The following ARHGAP6 variants were observed in gnomAD, a reference collection of about 807,000 sequenced individuals.
ARHGAP6 encodes rho GTPase-activating protein 6.
A neutral mutation model predicts 55.7 loss-of-function variants in ARHGAP6; 16 were observed. The ratio of observed to expected loss-of-function variants is 0.29; its 90% CI spans 0.19 to 0.44. The LOEUF is 0.44. ARHGAP6 is among the 20% of genes least tolerant of loss of function. The pLI is 1.00. For synonymous variants in ARHGAP6, 382 were observed against 360.9 expected, an observed-to-expected ratio of 1.06 and a Z score of -0.66; for missense variants, 698 against 808.9, an observed-to-expected ratio of 0.86 and a Z score of 1.66.
intron 1 of ARHGAP6, among the ~76,000 whole-genome samples, chrX:11,353,923 T>G (rs1359232163): frequency 9.0e-6 from 1 of 111,033 alleles, no homozygotes; most frequent in Non-Finnish European, 1.9e-5. Flanking sequence ...TCAGGCAAAC[T>G]TTTCATGCAA....
chrX:11,387,782 C>T (rs1222115788), intron 1 of ARHGAP6, among the ~76,000 whole-genome samples: 2 of 110,958 alleles, frequency 1.8e-5, no homozygotes, highest in Non-Finnish European at 3.8e-5. Context: ...CAATTCCCAC[C>T]TATGAGTGAG....
intron 1 of ARHGAP6, among the ~76,000 whole-genome samples, chrX:11,600,706 C>T (rs759233279): frequency 4.4e-5 from 5 of 112,406 alleles, no homozygotes; most frequent in African/African-American, 1.3e-4. Context: ...TCTATACTAT[C>T]GCCCAAAGTG....
intron 1 of ARHGAP6, among the ~76,000 whole-genome samples, chrX:11,647,452 T>C (rs777355095): frequency 2.7e-5 from 3 of 111,800 alleles, no homozygotes; most frequent in African/African-American, 6.5e-5. Context: ...GAGGCGGCAA[T>C]AAGGACAGAC....
chrX:11,267,911 A>G (rs1053810224), intron 1 of ARHGAP6, among the ~76,000 whole-genome samples: 2 of 112,457 alleles, frequency 1.8e-5, no homozygotes, highest in African/African-American at 3.2e-5. Flanking sequence ...CCAATAAGAG[A>G]CCAAAGAGTC....
intron 2 of ARHGAP6, chrX:11,224,485 A>G (rs1350631873): frequency 3.9e-6 from 1 of 257,294 alleles, no homozygotes; most frequent in Non-Finnish European, 5.6e-6. Context: ...AGGGGAATAT[A>G]ATTGCCATGC....
intron 1 of ARHGAP6, among the ~76,000 whole-genome samples, chrX:11,339,878 C>T (rs1042596122): frequency 5.4e-5 from 6 of 112,108 alleles, no homozygotes; most frequent in Middle Eastern, 4.6e-3. Context: ...TAAATAGCAT[C>T]ACCCACCCAG....
intron 1 of ARHGAP6, among the ~76,000 whole-genome samples, chrX:11,285,724 A>G (rs2047914110): frequency 8.9e-6 from 1 of 112,342 alleles, no homozygotes; most frequent in Admixed American, 9.4e-5. Flanking sequence ...CACAGTCATG[A>G]TTTCTTTAGC....
intron 1 of ARHGAP6, among the ~76,000 whole-genome samples, chrX:11,464,173 G>T (rs2050271639): frequency 8.9e-6 from 1 of 112,033 alleles, no homozygotes; most frequent in Non-Finnish European, 1.9e-5. Context: ...TGCCCTCTTT[G>T]TGGCTGAATA....
At position 11,147,340 on chromosome X, in the gene ARHGAP6, T is replaced by C. The variant is rs778028656; in HGVS notation, c.1908-3092A>G. On this transcript the variant is annotated intron_variant, in intron 10 of 12. Coordinates refer to ENST00000337414, the MANE Select transcript of ARHGAP6 (RefSeq NM_013427.3). The stretch of plus-strand genomic sequence containing the variant: ...ACATATACACATAAATGCAACTATA[T>C]ACACATGCATATACACATACACCCA... Among the ~76,000 whole-genome samples the C allele has an allele frequency of 2.7e-5, 3 of 112,941 alleles. No homozygotes were observed. The South Asian group carries it at 1.1e-3, about 41-fold the overall frequency.
intron 1 of ARHGAP6, chrX:11,296,732 C>T (rs1401597423): frequency 1.2e-5 from 14 of 1,138,875 alleles, no homozygotes; most frequent in Non-Finnish European, 1.6e-5. Flanking sequence ...CCTTCACTCT[C>T]TCCCTTCCTC....
intron 1 of ARHGAP6, among the ~76,000 whole-genome samples, chrX:11,255,279 C>T (rs2047479005): frequency 9.0e-6 from 1 of 111,057 alleles, no homozygotes; most frequent in Admixed American, 9.6e-5. Flanking sequence ...ATTCAATATC[C>T]TCCTTCTAGC....
At chrX:11,595,621 T>A (rs2051892592) in intron 1 of ARHGAP6, among the ~76,000 whole-genome samples, 1 of 111,448 alleles carries the variant, frequency 9.0e-6, no homozygotes, top group Non-Finnish European at 1.9e-5. Flanking sequence ...AAAGAAAATA[T>A]CATCAGAATC....
chrX:11,349,465 G>A (rs2048830595), intron 1 of ARHGAP6, among the ~76,000 whole-genome samples: 1 of 111,461 alleles, frequency 9.0e-6, no homozygotes, highest in Non-Finnish European at 1.9e-5. Flanking sequence ...GTCCAGAACT[G>A]TATCTCCAAA....
intron 2 of ARHGAP6, among the ~76,000 whole-genome samples, chrX:11,236,827 C>T (rs2047209044): frequency 8.9e-6 from 1 of 112,214 alleles, no homozygotes; most frequent in Non-Finnish European, 1.9e-5. Context: ...CCAATAAGCG[C>T]AGTTCTGTCT....
intron 1 of ARHGAP6, chrX:11,298,380 G>A: frequency 1.8e-6 from 2 of 1,118,776 alleles, no homozygotes; most frequent in South Asian, 3.7e-5. Context: ...AGACATTAAT[G>A]GGAAATTTAG....
chrX:11,558,641 G>A (rs1241709727), intron 1 of ARHGAP6, among the ~76,000 whole-genome samples: 3 of 108,144 alleles, frequency 2.8e-5, no homozygotes, highest in African/African-American at 1.0e-4. Flanking sequence ...TTCGAGACCA[G>A]CCTGGCCAAC....
In ARHGAP6 at chrX:11,142,263, T is replaced by C. The variant is rs748222704; in HGVS notation, c.2227A>G (p.Lys743Glu). Reference sequence around the variant, plus strand: ...ATTCCTGGGTCTTTGGATCCGCTTTTTAATGTTGAATGCCAAGTTCCCCAG... The same window carrying C: ...ATTCCTGGGTCTTTGGATCCGCTTTCTAATGTTGAATGCCAAGTTCCCCAG... ...DIWGTWHSTL[K>E]SGSKDPGMTG... Residue 743 changes from lysine to glutamate, a missense_variant, in exon 12 of 13, where the codon AAA becomes GAA. This residue lies in a region of ARHGAP6 where 322 missense variants were observed against 451.1 expected (regional missense o/e 0.71). Transcript: ENST00000337414. The C allele has an allele frequency of 8.3e-7, 1 of 1,202,925 alleles. No homozygotes were observed. The highest frequency in any genetic ancestry group is 1.1e-6 in the Non-Finnish European group (1 of 889,785).
intron 9 of ARHGAP6, among the ~76,000 whole-genome samples, chrX:11,162,601 T>C (rs952438487): frequency 9.0e-6 from 1 of 111,065 alleles, no homozygotes; most frequent in African/African-American, 3.3e-5. Flanking sequence ...CCAGTGGATG[T>C]GCAGTGAATG....
At chrX:11,366,217 G>A (rs774295933) in intron 1 of ARHGAP6, among the ~76,000 whole-genome samples, 2 of 112,166 alleles carry the variant, frequency 1.8e-5, no homozygotes, top group East Asian at 2.8e-4. Flanking sequence ...AATGTGTGAA[G>A]GTTGAAGAAA....
Sources: gnomAD v4.1 joint callset for allele counts (sites outside exome capture counted in the v4.1 genomes callset) on GRCh38, gnomAD v4.1.1 for gene constraint, gnomAD v4.1.1 regional missense constraint, MANE v1.5 for transcripts, NCBI Gene and HGNC (gene_info 2026-07-23, HGNC 2026-07-21) for gene names.